The following MYO1F variants were observed in gnomAD, a reference collection of about 807,000 sequenced individuals.
The protein encoded by MYO1F is unconventional myosin-If.
MYO1F carries 60 observed loss-of-function variants against 146.6 expected under a neutral mutation model. The observed-to-expected ratio is 0.41, with a 90% CI of 0.33 to 0.51. The LOEUF is 0.51. Among genes scored for constraint, MYO1F ranks in the 20% least tolerant of loss-of-function variants. The pLI is 0.25. For missense variants in MYO1F, 1,274 were observed against 1,534.3 expected (o/e 0.83, Z 2.83); for synonymous variants, 602 against 602.1 (o/e 1.00, Z 0.00).
intron 25 of MYO1F, among the ~76,000 whole-genome samples, chr19:8,523,753 C>T (rs765236199): frequency 1.6e-4 from 25 of 152,108 alleles, no homozygotes; most frequent in Admixed American, 2.6e-4. Context: ...CTCTTAGGCT[C>T]ATGATATTCT....
At chr19:8,542,092 C>T (rs1425781222) in intron 14 of MYO1F, 101 bp from the exon 15 acceptor site, 8 of 882,328 alleles carry the variant, frequency 9.1e-6, no homozygotes, top group South Asian at 2.7e-5. Context: ...TTTCCTGGGG[C>T]CTGCTGTGGG....
intron 1 of MYO1F, among the ~76,000 whole-genome samples, chr19:8,563,777 G>T (rs886073471): frequency 6.6e-5 from 10 of 152,104 alleles, no homozygotes; most frequent in Admixed American, 2.6e-4. Flanking sequence ...CTCCCAAAGT[G>T]CTGGGATTAC....
intron 4 of MYO1F, among the ~76,000 whole-genome samples, chr19:8,553,892 A>ACTCTCTCTCTCTCTCTCTCTCT (rs569819927): frequency 8.7e-4 from 92 of 105,196 alleles, no homozygotes; most frequent in Non-Finnish European, 1.3e-3. Context: ...ACACACACAC[A>ACTCTCTCTCTCTCTCTCTCTCT]CACTCTCTCT....
At position 8,548,332 on chromosome 19, in the gene MYO1F, G is replaced by A; in HGVS notation, c.1102-15C>T. The A allele has an allele frequency of 6.3e-7, 1 of 1,591,200 alleles. No individual in the cohort carries two copies. The highest frequency in any genetic ancestry group is 1.1e-5 in the South Asian group (1 of 89,810). ...CGGTTGATGGCCTGCGGTGTGGGTG[G>A]GGACAGGAAGTCAGTGGGCATCGGT... On this transcript the variant is annotated splice_polypyrimidine_tract_variant and intron_variant, in intron 10 of 27. Coordinates refer to ENST00000644032, the MANE Select transcript of MYO1F (RefSeq NM_012335.4).
At chr19:8,561,390 TTTCCTTCCTTCCTTTCTCCTC>T (rs1382822680) in intron 1 of MYO1F, among the ~76,000 whole-genome samples, 6 of 80,654 alleles carry the variant, frequency 7.4e-5, no homozygotes, top group Non-Finnish European at 1.1e-4. Context: ...TCCCCCCTTC[TTTCCTTCCTTCCTTTCTCCTC>T]TCCCTCCCTT....
rs1972446478 is a variant in MYO1F at position 8,530,594 on chromosome 19, G to A, written c.2044-21C>T. ...AAAAGCTGGGCGGGGGTCGTGGGGG[G>A]CAAGGGTGAGTCCTGGTGTCTCCCC... On this transcript the variant is annotated intron_variant, in intron 19 of 27. Coordinates refer to ENST00000644032, the MANE Select transcript of MYO1F (RefSeq NM_012335.4). The surrounding 1 kb of genome is among the most constrained non-coding windows in gnomAD (Gnocchi z 5.8). The A allele has an allele frequency of 2.5e-6, 4 of 1,576,814 alleles. No homozygotes were observed. The highest frequency in any genetic ancestry group is 3.5e-6 in the Non-Finnish European group (4 of 1,153,302).
chr19:8,525,528 A>T lies in MYO1F; in HGVS notation c.2805T>A (p.Pro935=). The T allele has an allele frequency of 6.2e-7, 1 of 1,613,596 alleles. No individual in the cohort carries two copies. The highest frequency in any genetic ancestry group is 8.5e-7 in the Non-Finnish European group (1 of 1,179,972). ...PTRKGMAKGK[P]RRSSQAPTRA... is the part of the protein sequence containing the mutation. ...GGGTAGGGGCTTGGGACGACCTCCG[A>T]GGTTTTCCCTTGGCCATTCCCTTCC... Residue 935 remains proline (P), a synonymous_variant, in exon 25 of 28, where the codon CCT becomes CCA. Coordinates refer to ENST00000644032, the MANE Select transcript of MYO1F (RefSeq NM_012335.4).
chr19:8,525,092 C>A lies in MYO1F; in HGVS notation c.2854+387G>T, dbSNP rs540637376. 2.3e-4 allele frequency: 41 copies of A among 175,150 alleles called. No homozygotes were observed. In the South Asian group the frequency reaches 5.0e-3, roughly 21 times the overall value. The allele number at this position is 175,150 out of a possible 1,614,324, so 10.8% of individuals were successfully genotyped here. A position where few individuals can be genotyped will look rare whatever the true frequency, so the allele number is the denominator to read the frequency against. On this transcript the variant is annotated intron_variant, in intron 25 of 27. Coordinates refer to ENST00000644032, the MANE Select transcript of MYO1F (RefSeq NM_012335.4). ...GCGGGTGCCTGTAATCTCAGCTACT[C>A]GGGAGGCTGAGGCAGGAGAATCGCT... is the stretch of plus-strand genomic sequence containing the variant.
intron 14 of MYO1F, chr19:8,544,030 C>CGGTGGT: frequency 6.9e-6 from 2 of 290,032 alleles, no homozygotes; most frequent in Non-Finnish European, 1.2e-5. Context: ...GTGGCGGTGG[C>CGGTGGT]GGTGGCGGTG....
chr19:8,574,711 T>G (rs1301386126), intron 1 of MYO1F, among the ~76,000 whole-genome samples: 2 of 143,522 alleles, frequency 1.4e-5, no homozygotes, highest in East Asian at 4.2e-4. Flanking sequence ...CTTTCTTTCT[T>G]TTTCTTTCTC....
Position 8,550,211 on chromosome 19 carries a change from A to G in MYO1F, c.1050T>C (p.Arg350=). The change falls in exon 10 of 28, where the codon CGT becomes CGC. Residue 350 remains arginine (R), a synonymous_variant. Coordinates refer to ENST00000644032, the MANE Select transcript of MYO1F (RefSeq NM_012335.4). ...TLNVEQAAYT[R]DALAKGLYAR... The stretch of plus-strand genomic sequence containing the variant: ...CATAGAGCCCCTTGGCCAGGGCATC[A>G]CGGGTGTAGGCTGCCTGCTCCACGT... 6.2e-7 allele frequency: 1 copy of G among 1,614,132 alleles called. No individual in the cohort carries two copies. Among genetic ancestry groups the G allele is most frequent in the Admixed American group, 1.7e-5 (1 of 60,006 alleles).
At chr19:8,550,478 T>C in intron 9 of MYO1F, 84 bp downstream of exon 9, 2 of 1,611,616 alleles carry the variant, frequency 1.2e-6, no homozygotes, top group South Asian at 2.2e-5. Context: ...TCGTGGGCTT[T>C]CAGCTTCCTG....
At chr19:8,529,944 G>A in intron 21 of MYO1F, 2 of 622,018 alleles carry the variant, frequency 3.2e-6, no homozygotes, top group Non-Finnish European at 2.9e-6. Flanking sequence ...GATGGATCTA[G>A]GCTGGGGGAT....
At chr19:8,574,834 C>T (rs1340893545) in intron 1 of MYO1F, among the ~76,000 whole-genome samples, 6 of 149,094 alleles carry the variant, frequency 4.0e-5, no homozygotes, top group African/African-American at 9.9e-5. Context: ...CGTCTCATTG[C>T]GACCTCTGCC....
At chr19:8,536,820 G>T in intron 17 of MYO1F, 129 bp downstream of exon 17, 1 of 682,430 alleles carries the variant, frequency 1.5e-6, no homozygotes, top group Non-Finnish European at 2.6e-6. Flanking sequence ...CTGCAGGTGG[G>T]GGATTGTGGG....
intron 1 of MYO1F, among the ~76,000 whole-genome samples, chr19:8,566,898 A>G (rs996004599): frequency 2.6e-5 from 4 of 151,348 alleles, no homozygotes; most frequent in Non-Finnish European, 4.4e-5. Context: ...CTGGTCTTGA[A>G]CTCCTGAATT....
At chr19:8,558,567 G>A (rs1356912025) in intron 1 of MYO1F, among the ~76,000 whole-genome samples, 5 of 152,008 alleles carry the variant, frequency 3.3e-5, no homozygotes, top group Admixed American at 6.6e-5. Flanking sequence ...CTTTTAGCCC[G>A]ACTGAATTTA....
chr19:8,526,502 G>A lies in MYO1F; in HGVS notation c.2721C>T (p.Gly907=), dbSNP rs1400005195. 1.3e-6 allele frequency: 2 copies of A among 1,577,148 alleles called. No homozygotes were observed. Among genetic ancestry groups the A allele is most frequent in the Non-Finnish European group, 1.7e-6 (2 of 1,162,640 alleles). ...GFGDLAVLKV[G]GRTLTVSVGD... ...CCACGCTGACCGTGAGGGTCCGACC[G>A]CCAACCTTGAGCACTGCCAAGTCGC... Residue 907 remains glycine, a synonymous_variant, in exon 24 of 28, where the codon GGC becomes GGT. Coordinates refer to ENST00000644032, the MANE Select transcript of MYO1F (RefSeq NM_012335.4).
At chr19:8,540,843 A>T (rs1416759425) in intron 15 of MYO1F, among the ~76,000 whole-genome samples, 1 of 152,114 alleles carries the variant, frequency 6.6e-6, no homozygotes, top group Non-Finnish European at 1.5e-5. Flanking sequence ...CCTTACGTGC[A>T]CATGGATCCC....
Sources: gnomAD v4.1 joint callset for allele counts (sites outside exome capture counted in the v4.1 genomes callset) on GRCh38, gnomAD v4.1.1 for gene constraint, Gnocchi (gnomAD v3.1) non-coding constraint, MANE v1.5 for transcripts, NCBI Gene and HGNC (gene_info 2026-07-23, HGNC 2026-07-21) for gene names.